The following KCNIP4 variants were observed in gnomAD, a reference collection of about 807,000 sequenced individuals.
The protein encoded by KCNIP4 is potassium voltage-gated channel interacting protein 4.
Under a neutral mutation model 34.0 loss-of-function variants are expected in KCNIP4, and 12 were observed. The ratio of observed to expected loss-of-function variants is 0.35; its 90% confidence interval spans 0.23 to 0.57. The LOEUF (loss-of-function observed/expected upper bound fraction) is 0.57, where lower values mean the gene tolerates loss of function less well. Ranked by LOEUF, KCNIP4 falls within the 20% of genes least tolerant of loss-of-function variation. The pLI is 0.83. For missense variants in KCNIP4, 238 were observed against 311.7 expected (o/e 0.76, Z 1.78); for synonymous variants, 124 against 102.2 (o/e 1.21, Z -1.29).
At chr4:21,254,892 A>G (rs979596560) in intron 1 of KCNIP4, among the ~76,000 whole-genome samples, 1 of 152,152 alleles carries the variant, frequency 6.6e-6, no homozygotes, top group African/African-American at 2.4e-5. Flanking sequence ...CATTGTCGCT[A>G]TCTTCTAATA....
intron 1 of KCNIP4, among the ~76,000 whole-genome samples, chr4:20,938,998 T>G (rs533379681): frequency 8.8e-4 from 134 of 152,330 alleles, no homozygotes; most frequent in African/African-American, 3.2e-3. Context: ...GCAAACAGTC[T>G]TTGATACACA....
intron 1 of KCNIP4, among the ~76,000 whole-genome samples, chr4:21,070,999 T>C (rs533517434): frequency 6.6e-6 from 1 of 152,160 alleles, no homozygotes; most frequent in African/African-American, 2.4e-5. Context: ...TTAAATACAT[T>C]CTAGATATGA....
chr4:21,563,978 T>C (rs569471851), intron 1 of KCNIP4, among the ~76,000 whole-genome samples: 12 of 152,256 alleles, frequency 7.9e-5, no homozygotes, highest in Admixed American at 3.9e-4. Flanking sequence ...AATAATCATA[T>C]ACCTTTTTAC....
At chr4:21,535,414 G>A (rs1346944884) in intron 1 of KCNIP4, among the ~76,000 whole-genome samples, 3 of 152,018 alleles carry the variant, frequency 2.0e-5, no homozygotes, top group East Asian at 3.9e-4. Flanking sequence ...GATACTTCCC[G>A]GTAAGACTCA....
At chr4:21,651,692 A>T (rs1003084642) in intron 1 of KCNIP4, among the ~76,000 whole-genome samples, 1 of 152,202 alleles carries the variant, frequency 6.6e-6, no homozygotes, top group Non-Finnish European at 1.5e-5. Context: ...CATAACAGCA[A>T]CAAAACAAAT....
intron 1 of KCNIP4, among the ~76,000 whole-genome samples, chr4:21,841,386 C>T (rs1020670022): frequency 5.3e-5 from 8 of 152,094 alleles, no homozygotes; most frequent in African/African-American, 1.9e-4. Context: ...GGAAGCTATT[C>T]GTTTATTTGA....
chr4:21,802,368 CTCA>C (rs1299310420), intron 1 of KCNIP4, among the ~76,000 whole-genome samples: 1 of 152,158 alleles, frequency 6.6e-6, no homozygotes, highest in Non-Finnish European at 1.5e-5. Context: ...GGAACCAAAA[CTCA>C]TCGTCTCTCT....
intron 1 of KCNIP4, among the ~76,000 whole-genome samples, chr4:21,544,942 C>T (rs1221817288): frequency 2.6e-5 from 4 of 152,010 alleles, no homozygotes; most frequent in Admixed American, 1.3e-4. Context: ...TGAACTAGAA[C>T]GACTCCATCT....
intron 1 of KCNIP4, among the ~76,000 whole-genome samples, chr4:21,030,159 C>A (rs1740891623): frequency 6.6e-6 from 1 of 152,194 alleles, no homozygotes; most frequent in Non-Finnish European, 1.5e-5. Flanking sequence ...TACAGCAGCT[C>A]CCCATGGCTT....
At chr4:21,448,074 C>T (rs1005840034) in intron 1 of KCNIP4, among the ~76,000 whole-genome samples, 8 of 152,032 alleles carry the variant, frequency 5.3e-5, no homozygotes, top group Non-Finnish European at 1.0e-4. Context: ...CAAGATGAGG[C>T]TATAACAAAT....
chr4:21,226,262 G>A (rs1391071685), intron 1 of KCNIP4, among the ~76,000 whole-genome samples: 3 of 112,990 alleles, frequency 2.7e-5, no homozygotes, highest in Non-Finnish European at 5.5e-5. Flanking sequence ...AGGGAGGGAG[G>A]GAGGGAGGGC....
chr4:20,796,358 G>C (rs1489942797), intron 3 of KCNIP4, among the ~76,000 whole-genome samples: 1 of 152,058 alleles, frequency 6.6e-6, no homozygotes, highest in Admixed American at 6.6e-5. Context: ...GCCCGGGCTG[G>C]AGTGCGCTGG....
At chr4:20,843,841 A>G (rs988535622) in intron 3 of KCNIP4, among the ~76,000 whole-genome samples, 2 of 152,250 alleles carry the variant, frequency 1.3e-5, no homozygotes, top group Admixed American at 1.3e-4. Context: ...GATTTTTGCC[A>G]TTGAAAGTAA....
intron 1 of KCNIP4, among the ~76,000 whole-genome samples, chr4:21,667,515 T>A (rs1285993791): frequency 6.6e-6 from 1 of 152,284 alleles, no homozygotes; most frequent in South Asian, 2.1e-4. Context: ...TAAGTATGCA[T>A]CAGGTGCTGT....
intron 1 of KCNIP4, among the ~76,000 whole-genome samples, chr4:21,085,453 C>T (rs1455046679): frequency 6.6e-6 from 1 of 152,226 alleles, no homozygotes; most frequent in African/African-American, 2.4e-5. Context: ...TTCTGTTCCT[C>T]TCTCTATACT....
intron 1 of KCNIP4, among the ~76,000 whole-genome samples, chr4:20,926,316 G>T (rs74996113): frequency 0.029 from 4,487 of 152,294 alleles, 73 homozygotes; most frequent in Non-Finnish European, 0.039. Context: ...TTTGACAGGT[G>T]AGAGGTGCAG....
In KCNIP4 at chr4:21,445,901, T is replaced by C. The variant is rs191748921; in HGVS notation, c.61+502670A>G. Among the ~76,000 whole-genome samples the C allele has an allele frequency of 2.5e-3, 379 of 152,240 alleles. 1 individual carries two copies. Among genetic ancestry groups the C allele is most frequent in the Admixed American group, 4.0e-3 (61 of 15,288 alleles). On this transcript the variant is annotated intron_variant, in intron 1 of 8. Transcript: ENST00000382152. ...TGACAAAGGGCTAATACTCAGAATCTACAAAGAACTCCAACAAATTTACAA... is the reference window on the plus strand; with the variant it reads ...TGACAAAGGGCTAATACTCAGAATCCACAAAGAACTCCAACAAATTTACAA...
chr4:20,772,024 G>A (rs1578580807), intron 3 of KCNIP4, among the ~76,000 whole-genome samples: 1 of 152,152 alleles, frequency 6.6e-6, no homozygotes, highest in African/African-American at 2.4e-5. Flanking sequence ...GAGCCATGTG[G>A]TGTAGGAGAT....
intron 3 of KCNIP4, among the ~76,000 whole-genome samples, chr4:20,850,003 T>C (rs1310598421): frequency 6.6e-6 from 1 of 152,204 alleles, no homozygotes; most frequent in African/African-American, 2.4e-5. Context: ...TCATTCCCTT[T>C]TGAAGATGGT....
Sources: gnomAD v4.1 joint callset for allele counts (sites outside exome capture counted in the v4.1 genomes callset) on GRCh38, gnomAD v4.1.1 for gene constraint, MANE v1.5 for transcripts, NCBI Gene and HGNC (gene_info 2026-07-23, HGNC 2026-07-21) for gene names.